Variants in RGS10 observed in about 807,000 individuals in gnomAD.
RGS10 encodes regulator of G protein signaling 10.
RGS10 carries 11 observed loss-of-function variants against 23.5 expected under a neutral mutation model. The observed-to-expected ratio is 0.47, with a 90% confidence interval of 0.29 to 0.77. RGS10 has a LOEUF of 0.77. RGS10 is among the 30% of genes least tolerant of loss of function. The pLI is 0.08. For missense variants in RGS10, 180 were observed against 226.3 expected, an observed-to-expected ratio of 0.80 and a Z score of 1.31; for synonymous variants, 77 against 83.2, an observed-to-expected ratio of 0.92 and a Z score of 0.41.
intron 4 of RGS10, among the ~76,000 whole-genome samples, chr10:119,514,674 A>G (rs1844120946): frequency 6.8e-6 from 1 of 146,316 alleles, no homozygotes; most frequent in Non-Finnish European, 1.5e-5. Context: ...AAAAAAAAAA[A>G]AGAACAAAAA....
chr10:119,513,166 A>T (rs192532470), intron 4 of RGS10, among the ~76,000 whole-genome samples: 1,610 of 152,218 alleles, frequency 0.011, 13 homozygotes, highest in Middle Eastern at 0.041. Context: ...ATTTTAAAAA[A>T]TTTTTCTGAG....
chr10:119,505,109 C>G (rs1209467726), intron 4 of RGS10, among the ~76,000 whole-genome samples: 1 of 152,008 alleles, frequency 6.6e-6, no homozygotes, highest in Non-Finnish European at 1.5e-5. Context: ...CATGACCTCA[C>G]CAGGTTTGGA....
Position 119,517,671 on chromosome 10 carries a change from C to G in RGS10, c.256-2019G>C, listed in dbSNP as rs772280306. Among the ~76,000 whole-genome samples the G allele has an allele frequency of 1.1e-4, 16 of 152,204 alleles. No homozygotes were observed. Among genetic ancestry groups the G allele is most frequent in the Admixed American group, 1.3e-4 (2 of 15,280 alleles). On this transcript the variant is annotated intron_variant, in intron 3 of 4. Transcript: ENST00000369103. The surrounding 1 kb of genome is among the most constrained non-coding windows in gnomAD (Gnocchi z 5.0). ...TCCCCTCCTCCCCTTGACATTCACACGCACACACACACGCACACACGTGCA... is the reference window on the plus strand; with the variant it reads ...TCCCCTCCTCCCCTTGACATTCACAGGCACACACACACGCACACACGTGCA...
At chr10:119,542,469 G>T in intron 1 of RGS10, 121 bp downstream of exon 1, 2 of 852,532 alleles carry the variant, frequency 2.3e-6, no homozygotes, top group African/African-American at 1.8e-5. Context: ...GGTGCGGTCG[G>T]CCGGGGCTCC....
At chr10:119,515,875 C>G (rs1478397190) in intron 3 of RGS10, among the ~76,000 whole-genome samples, 1 of 152,210 alleles carries the variant, frequency 6.6e-6, no homozygotes, top group Non-Finnish European at 1.5e-5. Context: ...AGCCACTTCT[C>G]CTGGAACAAA....
chr10:119,536,746 G>A (rs370442595), intron 1 of RGS10, among the ~76,000 whole-genome samples: 5 of 152,076 alleles, frequency 3.3e-5, no homozygotes, highest in African/African-American at 1.2e-4. Flanking sequence ...AAAGAAAATG[G>A]CCCAGCAGCC....
At chr10:119,530,252 T>A (rs1156614764) in intron 1 of RGS10, among the ~76,000 whole-genome samples, 1 of 152,224 alleles carries the variant, frequency 6.6e-6, no homozygotes, top group Non-Finnish European at 1.5e-5. Flanking sequence ...TGGACTTACT[T>A]AATAGTAACA....
intron 3 of RGS10, among the ~76,000 whole-genome samples, chr10:119,518,797 C>T (rs186791901): frequency 3.4e-4 from 52 of 152,044 alleles, no homozygotes; most frequent in East Asian, 1.9e-3. Flanking sequence ...CTCTGCCTCC[C>T]GGGTTCAAGC....
chr10:119,515,600 G>A lies in RGS10; in HGVS notation c.308C>T (p.Ser103Leu). ...IYMTFLSSKA[S>L]SQVNVEGQSR... is the part of the protein sequence containing the mutation. ...CTGCCCCTCCACGTTGACCTGTGAT[G>A]AGGCCTTGCTGGACAGAAAGGTCAT... The change falls in exon 4 of 5, where the codon TCA (serine) becomes TTA (leucine). Residue 103 changes from serine (S) to leucine (L), a missense_variant. Transcript: ENST00000369103. 1 of 1,614,166 alleles carries A rather than the reference G, an allele frequency of 6.2e-7. No homozygotes were observed. The highest frequency in any genetic ancestry group is 8.5e-7 in the Non-Finnish European group (1 of 1,180,012).
rs1844283543 is a variant in RGS10, at chr10:119,527,049, C to T, written c.168+257G>A. ...CCAATAGGCACGGTATCTTCTCTCT[C>T]CTCCCACCCTGTACCCCTCCCACCT... On this transcript the variant is annotated intron_variant, in intron 2 of 4. Coordinates refer to ENST00000369103, the MANE Select transcript of RGS10 (RefSeq NM_001005339.2). This position sits in a 1 kb window ranked among gnomAD's most constrained non-coding sequence, Gnocchi z 4.2. Among the ~76,000 whole-genome samples, 1 of 151,896 alleles carries T rather than the reference C, an allele frequency of 6.6e-6. No homozygotes were observed. The highest frequency in any genetic ancestry group is 1.5e-5 in the Non-Finnish European group (1 of 67,974).
chr10:119,506,831 G>A (rs1844019117), intron 4 of RGS10, among the ~76,000 whole-genome samples: 1 of 152,176 alleles, frequency 6.6e-6, no homozygotes, highest in African/African-American at 2.4e-5. Flanking sequence ...CTCCCAAGTA[G>A]CTGGAATTAC....
intron 4 of RGS10, among the ~76,000 whole-genome samples, chr10:119,514,053 G>A (rs1472040939): frequency 1.3e-5 from 2 of 152,220 alleles, no homozygotes; most frequent in Non-Finnish European, 2.9e-5. Context: ...GCTCAAACGG[G>A]CAGTCCTAAA....
At chr10:119,522,904 G>A (rs1184776558) in intron 3 of RGS10, among the ~76,000 whole-genome samples, 1 of 151,716 alleles carries the variant, frequency 6.6e-6, no homozygotes, top group Non-Finnish European at 1.5e-5. Context: ...TTGAGACAGG[G>A]TGTCACTTTG....
intron 1 of RGS10, among the ~76,000 whole-genome samples, chr10:119,530,868 G>A (rs1270147887): frequency 6.6e-6 from 1 of 152,150 alleles, no homozygotes; most frequent in Non-Finnish European, 1.5e-5. Flanking sequence ...ACCCAGCAGG[G>A]ACCATGCTTC....
Position 119,530,293 on chromosome 10 carries a change from G to C in RGS10, c.50-2869C>G, listed in dbSNP as rs138646746. Among the ~76,000 whole-genome samples, 621 of 152,240 alleles carry C rather than the reference G, an allele frequency of 4.1e-3. 5 individuals are homozygous for C. Among genetic ancestry groups the C allele is most frequent in the African/African-American group, 0.015 (603 of 41,532 alleles). Reference sequence around the variant, plus strand: ...TGTGATCTCTGATGTTCTATGGGGGGTCAAAATACATGTTGACTTCTTGAT... The same window carrying C: ...TGTGATCTCTGATGTTCTATGGGGGCTCAAAATACATGTTGACTTCTTGAT... On this transcript the variant is annotated intron_variant, in intron 1 of 4. Transcript: ENST00000369103.
intron 1 of RGS10, among the ~76,000 whole-genome samples, chr10:119,533,079 C>T (rs191723342): frequency 0.012 from 1,779 of 149,288 alleles, 17 homozygotes; most frequent in Non-Finnish European, 0.015. Flanking sequence ...GAAAAGAGGC[C>T]GGGCACAGTG....
At chr10:119,534,295 AT>A (rs1844362192) in intron 1 of RGS10, among the ~76,000 whole-genome samples, 3 of 104,522 alleles carry the variant, frequency 2.9e-5, no homozygotes, top group African/African-American at 5.5e-5. Context: ...AAATAAATAA[AT>A]AAATAAATAA....
At chr10:119,536,493 T>G in intron 1 of RGS10, 1 of 1,611,880 alleles carries the variant, frequency 6.2e-7, no homozygotes, top group Admixed American at 1.7e-5. Flanking sequence ...ACCTGAGAAG[T>G]TCCACGCAGA....
At chr10:119,503,767 G>A (rs534223718) in intron 4 of RGS10, among the ~76,000 whole-genome samples, 68 of 152,282 alleles carry the variant, frequency 4.5e-4, no homozygotes, top group African/African-American at 1.5e-3. Context: ...TTCTCCCTGC[G>A]TCTTCACAGG....
Sources: gnomAD v4.1 joint callset for allele counts (sites outside exome capture counted in the v4.1 genomes callset) on GRCh38, gnomAD v4.1.1 for gene constraint, Gnocchi (gnomAD v3.1) non-coding constraint, MANE v1.5 for transcripts, NCBI Gene and HGNC (gene_info 2026-07-23, HGNC 2026-07-21) for gene names.